The following COL6A6 variants were observed in gnomAD, a reference collection of about 807,000 sequenced individuals.
COL6A6 encodes the protein collagen alpha-6(VI) chain.
Under a neutral mutation model 208.6 loss-of-function variants are expected in COL6A6, and 183 were observed. The ratio of observed to expected loss-of-function variants is 0.88; its 90% CI spans 0.78 to 0.99. The LOEUF is 0.99. COL6A6 is among the 50% of genes least tolerant of loss of function. The pLI, the probability that COL6A6 is intolerant of heterozygous loss-of-function variation, is 0.00. For missense variants in COL6A6, 2,816 were observed against 2,815.2 expected (o/e 1.00, Z -0.01); for synonymous variants, 973 against 1,011.8 (o/e 0.96, Z 0.73).
chr3:130,567,109 C>T lies in COL6A6; in HGVS notation c.1690C>T (p.His564Tyr). Residue 564 changes from histidine to tyrosine, a missense_variant, in exon 5 of 37, where the codon CAC (histidine) becomes TAC (tyrosine). Coordinates refer to ENST00000358511, the MANE Select transcript of COL6A6 (RefSeq NM_001102608.3). The stretch of plus-strand genomic sequence containing the variant: ...GCCTGCAAACAGACTGAGAGAAGAG[C>T]ACATCCGAGTTTATGCTATCGGGAT... The part of the protein sequence containing the change: ...LEPANRLREE[H>Y]IRVYAIGIKE... 1.2e-6 allele frequency: 2 copies of T among 1,613,960 alleles called. No individual in the cohort carries two copies. The highest frequency in any genetic ancestry group is 1.7e-6 in the Non-Finnish European group (2 of 1,179,874).
At position 130,589,177 on chromosome 3, in the gene COL6A6, A is replaced by T; in HGVS notation, c.4213A>T (p.Lys1405Ter). The T allele has an allele frequency of 6.2e-7, 1 of 1,610,122 alleles. No homozygotes were observed. Among genetic ancestry groups the T allele is most frequent in the Non-Finnish European group, 8.5e-7 (1 of 1,176,490 alleles). Residue 1405 changes from lysine (K) to a stop codon, truncating the protein, a stop_gained, in exon 12 of 37, where the codon AAA (lysine) becomes TAA (stop). Coordinates refer to ENST00000358511, the MANE Select transcript of COL6A6 (RefSeq NM_001102608.3). LOFTEE classifies it high-confidence loss of function. ...GTMGDPGPPG[K>*]RGPPGFKGSE... ...AATGGGAGATCCTGGACCACCAGGG[A>T]AAAGGGTGATTTTAGCTCAGATTTA...
intron 27 of COL6A6, 66 bp from the exon 28 acceptor site, chr3:130,635,633 T>C (rs767560357): frequency 6.5e-6 from 7 of 1,079,078 alleles, no homozygotes; most frequent in South Asian, 1.4e-5. Flanking sequence ...AGTTTAAAGA[T>C]GCAAATATGT....
At chr3:130,558,332 C>T (rs919541186) in intron 1 of COL6A6, among the ~76,000 whole-genome samples, 2 of 152,124 alleles carry the variant, frequency 1.3e-5, no homozygotes, top group African/African-American at 2.4e-5. Context: ...ACCACCCACC[C>T]CATGCACACA....
chr3:130,526,579 G>A (rs999414449), intron 1 of COL6A6, among the ~76,000 whole-genome samples: 5 of 152,200 alleles, frequency 3.3e-5, no homozygotes, highest in Non-Finnish European at 4.4e-5. Flanking sequence ...GGTACTGTTA[G>A]TGCAGTAGTT....
intron 2 of COL6A6, among the ~76,000 whole-genome samples, chr3:130,561,634 CTTTTTTTTT>C (rs398052265): frequency 3.8e-4 from 29 of 75,950 alleles, no homozygotes; most frequent in Non-Finnish European, 5.3e-4. Flanking sequence ...GTTGAATCTA[CTTTTTTTTT>C]TTTTTTTTTT....
intron 5 of COL6A6, 98 bp from the exon 6 acceptor site, chr3:130,567,947 CAT>C: frequency 1.3e-6 from 1 of 768,576 alleles, no homozygotes; most frequent in Non-Finnish European, 2.1e-6. Context: ...ACTAAGTACA[CAT>C]GTCAATATAA....
chr3:130,553,273 C>T (rs1376387403), intron 1 of COL6A6, among the ~76,000 whole-genome samples: 1 of 152,216 alleles, frequency 6.6e-6, no homozygotes, highest in Non-Finnish European at 1.5e-5. Flanking sequence ...CTTTCTCTTT[C>T]AGGAATGCCA....
At chr3:130,605,405 C>T (rs575808546) in intron 20 of COL6A6, among the ~76,000 whole-genome samples, 1 of 151,454 alleles carries the variant, frequency 6.6e-6, no homozygotes, top group East Asian at 1.9e-4. Flanking sequence ...CTTTATGCTG[C>T]CATGTTTCCC....
At chr3:130,622,496 G>A (rs967371032) in intron 24 of COL6A6, among the ~76,000 whole-genome samples, 14 of 152,098 alleles carry the variant, frequency 9.2e-5, no homozygotes, top group African/African-American at 3.1e-4. Flanking sequence ...AAGATAAGGG[G>A]CTAAAATGGA....
chr3:130,639,214 T>G (rs1216427286), intron 28 of COL6A6, among the ~76,000 whole-genome samples: 3 of 151,440 alleles, frequency 2.0e-5, no homozygotes, highest in Non-Finnish European at 4.4e-5. Context: ...GAATGTTCCT[T>G]TTTATAGCAT....
At position 130,563,620 on chromosome 3, in the gene COL6A6, T is replaced by C; in HGVS notation, c.617T>C (p.Val206Ala). ...SQNMTHIIKD[V>A]IKYKEGAVDD... ...AACATGACACACATCATCAAGGATG[T>C]AATAAAGTACAAGGAGGGAGCAGTT... The change falls in exon 3 of 37, where the codon GTA becomes GCA. Residue 206 changes from valine to alanine, a missense_variant. Transcript: ENST00000358511. The C allele has an allele frequency of 6.2e-7, 1 of 1,613,824 alleles. No homozygotes were observed.
intron 36 of COL6A6, among the ~76,000 whole-genome samples, chr3:130,669,885 A>G (rs2066169429): frequency 6.6e-6 from 1 of 152,250 alleles, no homozygotes; most frequent in Non-Finnish European, 1.5e-5. Context: ...ACAAACACAC[A>G]TATACATTAC....
Position 130,574,083 on chromosome 3 carries a change from C to A in COL6A6, c.3105C>A (p.Asn1035Lys), listed in dbSNP as rs1404873589. The A allele has an allele frequency of 1.9e-6, 3 of 1,614,008 alleles. No homozygotes were observed. The Admixed American group carries it at 5.0e-5, about 27-fold the overall frequency. The change falls in exon 8 of 37, where the codon AAC becomes AAA. Residue 1035 changes from asparagine to lysine, a missense_variant. By Grantham distance (94) the Asn-to-Lys change is moderately conservative. Transcript: ENST00000358511. ...SVVQDFDVSL[N>K]RVRIGAAQFS... Reference sequence around the variant, plus strand: ...TTCAAGACTTTGATGTCAGCCTCAACAGAGTGCGAATAGGAGCGGCCCAGT... The same window carrying A: ...TTCAAGACTTTGATGTCAGCCTCAAAAGAGTGCGAATAGGAGCGGCCCAGT...
At chr3:130,588,168 C>A (rs868580721) in intron 11 of COL6A6, among the ~76,000 whole-genome samples, 3 of 152,070 alleles carry the variant, frequency 2.0e-5, no homozygotes, top group South Asian at 2.1e-4. Flanking sequence ...AAAAGAATTT[C>A]ATAATGTCAG....
chr3:130,644,231 A>C (rs1264290864), intron 31 of COL6A6, among the ~76,000 whole-genome samples: 6 of 152,358 alleles, frequency 3.9e-5, no homozygotes, highest in African/African-American at 1.4e-4. Flanking sequence ...CTGCCAGGAA[A>C]GGCATTGCAA....
chr3:130,551,727 C>T (rs1029494084), intron 1 of COL6A6, among the ~76,000 whole-genome samples: 2 of 148,724 alleles, frequency 1.3e-5, no homozygotes, highest in East Asian at 3.9e-4. Flanking sequence ...TCTTGGTTCT[C>T]TAGTTCCTCT....
intron 1 of COL6A6, among the ~76,000 whole-genome samples, chr3:130,553,193 T>A (rs2037943805): frequency 1.3e-5 from 2 of 152,240 alleles, no homozygotes; most frequent in South Asian, 4.1e-4. Flanking sequence ...CGTTGGCCTC[T>A]CTAGCCAGGT....
At chr3:130,642,243 ATG>A (rs3074299) in intron 29 of COL6A6, among the ~76,000 whole-genome samples, 62,082 of 141,702 alleles carry the variant, frequency 0.44, 14,548 homozygotes, top group Middle Eastern at 0.56. Flanking sequence ...GACAGATTAT[ATG>A]TGTGTGTGTG....
rs1217477645 is a variant in COL6A6, at chr3:130,565,553, G to T, written c.1221G>T (p.Leu407=). 6.2e-7 allele frequency: 1 copy of T among 1,613,652 alleles called. No individual in the cohort carries two copies. The highest frequency in any genetic ancestry group is 1.3e-5 in the African/African-American group (1 of 74,926). Residue 407 remains leucine, a synonymous_variant, in exon 4 of 37, where the codon CTG becomes CTT. Transcript: ENST00000358511. ...AAHNQTFLKK[L]RNQITHTVSV... ...ACAACCAGACATTTCTGAAGAAGCTGCGGAACCAAATAACACACACAGTCT... is the reference window on the plus strand; with the variant it reads ...ACAACCAGACATTTCTGAAGAAGCTTCGGAACCAAATAACACACACAGTCT...
Sources: allele counts gnomAD v4.1 joint callset (sites outside exome capture counted in the v4.1 genomes callset), GRCh38; gene constraint gnomAD v4.1.1; transcripts MANE v1.5; gene names NCBI Gene and HGNC (gene_info 2026-07-23, HGNC 2026-07-21).